Variants in ACACA observed in about 807,000 individuals in gnomAD.
ACACA encodes the protein acetyl-CoA carboxylase alpha.
In ACACA, 103 loss-of-function variants were observed where a neutral mutation model predicts 296.1. The observed-to-expected ratio is 0.35, with a 90% CI of 0.30 to 0.41. ACACA has a LOEUF of 0.41. Ranked by LOEUF, ACACA falls within the 10% of genes least tolerant of loss-of-function variation. ACACA has a pLI of 1.00. For missense variants in ACACA, 1,554 were observed against 2,989.7 expected, an observed-to-expected ratio of 0.52 and a Z score of 11.20; for synonymous variants, 953 against 1,038.6, an observed-to-expected ratio of 0.92 and a Z score of 1.58.
chr17:37,173,982 T>TTATA (rs1173883631), intron 41 of ACACA, among the ~76,000 whole-genome samples: 236 of 19,382 alleles, frequency 0.012, 23 homozygotes, highest in Non-Finnish European at 0.019. Context: ...CCTGGCTAAT[T>TTATA]TATATATATA....
chr17:37,186,569 T>C (rs577520054), intron 39 of ACACA, among the ~76,000 whole-genome samples: 18 of 152,344 alleles, frequency 1.2e-4, no homozygotes, highest in African/African-American at 3.4e-4. Context: ...CAGAACTGGG[T>C]TGGAGGCTGC....
chr17:37,240,658 C>T (rs1249998788), intron 23 of ACACA, 94 bp from the exon 24 acceptor site: 21 of 905,712 alleles, frequency 2.3e-5, no homozygotes, highest in Non-Finnish European at 3.5e-5. Flanking sequence ...CGACATTCCA[C>T]TGAACTGCTT....
rs569242922 is a variant in ACACA at position 37,086,047 on chromosome 17, C to G, written c.*1269G>C. 4 of 376,306 alleles carry G rather than the reference C, an allele frequency of 1.1e-5. No homozygotes were observed. The South Asian group carries it at 5.9e-4, about 55-fold the overall frequency. The allele number at this position is 376,306 out of a possible 1,614,324, so 23.3% of individuals were successfully genotyped here. ...CCACCACCTGAGGAAGCCCCTGATG[C>G]CAGTCAGGAGGGGCCAGTAAGCCTG... On this transcript the variant is annotated 3_prime_UTR_variant, in exon 56 of 56. Transcript: ENST00000616317.
intron 48 of ACACA, chr17:37,122,940 T>C (rs1219758380): frequency 4.3e-6 from 2 of 461,618 alleles, no homozygotes; most frequent in East Asian, 8.9e-5. Flanking sequence ...TACACATCCC[T>C]ACCCCTGTGG....
chr17:37,314,291 A>G (rs546965650), intron 3 of ACACA, among the ~76,000 whole-genome samples: 1 of 151,630 alleles, frequency 6.6e-6, no homozygotes, highest in African/African-American at 2.4e-5. Flanking sequence ...AGTAGAGATG[A>G]GGTTTCACCG....
chr17:37,132,135 A>G (rs750804703), intron 45 of ACACA, among the ~76,000 whole-genome samples: 2 of 152,210 alleles, frequency 1.3e-5, no homozygotes, highest in Non-Finnish European at 2.9e-5. Context: ...TTACCTCATG[A>G]AGGCAGGAGC....
At chr17:37,317,179 T>C (rs893002726) in intron 3 of ACACA, among the ~76,000 whole-genome samples, 1 of 152,138 alleles carries the variant, frequency 6.6e-6, no homozygotes, top group Admixed American at 6.6e-5. Context: ...ATCATCTATA[T>C]GTATATTTTT....
chr17:37,265,788 G>A (rs958839362), intron 10 of ACACA, among the ~76,000 whole-genome samples: 2 of 152,092 alleles, frequency 1.3e-5, no homozygotes, highest in Admixed American at 6.5e-5. Context: ...GGCATCCCCT[G>A]CTCCTAGCTC....
chr17:37,295,526 T>C (rs1444386743), intron 3 of ACACA, among the ~76,000 whole-genome samples: 1 of 151,926 alleles, frequency 6.6e-6, no homozygotes, highest in East Asian at 1.9e-4. Flanking sequence ...CAGTGGCTCA[T>C]GTCTGTAATT....
intron 14 of ACACA, among the ~76,000 whole-genome samples, chr17:37,257,077 T>C (rs1007695252): frequency 5.3e-5 from 8 of 152,198 alleles, no homozygotes; most frequent in African/African-American, 1.9e-4. Context: ...ATATTCATTG[T>C]TTATGATTAA....
At chr17:37,176,814 T>C (rs2077132990) in intron 41 of ACACA, among the ~76,000 whole-genome samples, 1 of 152,164 alleles carries the variant, frequency 6.6e-6, no homozygotes, top group Non-Finnish European at 1.5e-5. Context: ...CCCAACCTCA[T>C]TCCTGTTGTG....
intron 25 of ACACA, among the ~76,000 whole-genome samples, chr17:37,232,032 T>G (rs952015070): frequency 6.6e-6 from 1 of 152,216 alleles, no homozygotes; most frequent in Non-Finnish European, 1.5e-5. Flanking sequence ...ACCTGATACT[T>G]TGCTTTCCAG....
At chr17:37,159,994 T>C (rs764443771) in intron 42 of ACACA, among the ~76,000 whole-genome samples, 3 of 152,240 alleles carry the variant, frequency 2.0e-5, no homozygotes, top group Non-Finnish European at 2.9e-5. Context: ...GAATTCACCA[T>C]AGAATTCAGT....
At chr17:37,371,275 C>T (rs2049796650) in intron 1 of ACACA, among the ~76,000 whole-genome samples, 1 of 151,758 alleles carries the variant, frequency 6.6e-6, no homozygotes, top group Non-Finnish European at 1.5e-5. Flanking sequence ...GACAGGGTTT[C>T]TCCATGTTGG....
chr17:37,106,731 T>G (rs2073709769), intron 52 of ACACA, among the ~76,000 whole-genome samples: 1 of 152,180 alleles, frequency 6.6e-6, no homozygotes. Context: ...TCTCCCTATG[T>G]CTGGCAGGTC....
Position 37,111,522 on chromosome 17 carries a change from C to G in ACACA, c.6565+9G>C. On this transcript the variant is annotated intron_variant, in intron 52 of 55. Transcript: ENST00000616317. ...CTCATTGATTTGCCAGAAGGACAAG[C>G]AGACATACCCAATCGCTCAGCCAAG... 1 of 1,604,312 alleles carries G rather than the reference C, an allele frequency of 6.2e-7. No homozygotes were observed. Among genetic ancestry groups the G allele is most frequent in the Non-Finnish European group, 8.5e-7 (1 of 1,171,072 alleles).
At chr17:37,145,510 G>C (rs551053670) in intron 45 of ACACA, among the ~76,000 whole-genome samples, 1 of 152,222 alleles carries the variant, frequency 6.6e-6, no homozygotes, top group South Asian at 2.1e-4. Flanking sequence ...ACGACATTTG[G>C]ACAAACAGGA....
In ACACA at chr17:37,097,758, C is replaced by G; in HGVS notation, c.6720+72G>C. On this transcript the variant is annotated intron_variant, in intron 53 of 55. Transcript: ENST00000616317. The surrounding 1 kb of genome is among the most constrained non-coding windows in gnomAD (Gnocchi z 4.8). ...GCCCTCATAGCTCCCTGCTTATGAG[C>G]CTGTGTGCAACACACACACACACTT... is the stretch of plus-strand genomic sequence containing the variant. 1.3e-6 allele frequency: 2 copies of G among 1,570,864 alleles called. No homozygotes were observed. Among genetic ancestry groups the G allele is most frequent in the East Asian group, 2.3e-5 (1 of 44,314 alleles).
chr17:37,185,084 T>G (rs2077473848), intron 39 of ACACA, among the ~76,000 whole-genome samples: 1 of 152,166 alleles, frequency 6.6e-6, no homozygotes, highest in African/African-American at 2.4e-5. Flanking sequence ...TACCTTTGAC[T>G]GCAAAGGCGA....
Sources: allele counts gnomAD v4.1 joint callset (sites outside exome capture counted in the v4.1 genomes callset), GRCh38; gene constraint gnomAD v4.1.1; non-coding constraint Gnocchi (gnomAD v3.1); transcripts MANE v1.5; gene names NCBI Gene and HGNC (gene_info 2026-07-23, HGNC 2026-07-21).